Variants in PRDM5 observed in about 807,000 individuals in gnomAD.
The protein encoded by PRDM5 is PR domain zinc finger protein 5.
PRDM5 carries 56 observed loss-of-function variants against 81.2 expected under a neutral mutation model. The ratio of observed to expected loss-of-function variants is 0.69; its 90% CI spans 0.56 to 0.86. The LOEUF (loss-of-function observed/expected upper bound fraction) is 0.86. Ranked by LOEUF, PRDM5 falls within the 40% of genes least tolerant of loss-of-function variation. The pLI, the probability that PRDM5 is intolerant of heterozygous loss-of-function variation, is 0.00. For synonymous variants in PRDM5, 267 were observed against 256.4 expected, an observed-to-expected ratio of 1.04 and a Z score of -0.39; for missense variants, 697 against 770.1, an observed-to-expected ratio of 0.91 and a Z score of 1.12.
At chr4:120,716,248 T>A (rs997985522) in intron 14 of PRDM5, among the ~76,000 whole-genome samples, 1 of 152,210 alleles carries the variant, frequency 6.6e-6, no homozygotes, top group African/African-American at 2.4e-5. Flanking sequence ...CCTTATTTTC[T>A]CCTTCACAAT....
chr4:120,750,134 A>G (rs1459534500), intron 14 of PRDM5, among the ~76,000 whole-genome samples: 2 of 152,226 alleles, frequency 1.3e-5, no homozygotes, highest in African/African-American at 4.8e-5. Context: ...ATTTAATTAA[A>G]ATTTAAATTT....
intron 13 of PRDM5, among the ~76,000 whole-genome samples, chr4:120,768,824 C>T (rs1259581682): frequency 6.6e-6 from 1 of 152,124 alleles, no homozygotes; most frequent in Non-Finnish European, 1.5e-5. Flanking sequence ...TTCTTTATTC[C>T]CTCATTTAAG....
chr4:120,713,441 G>A (rs372694025), intron 14 of PRDM5, among the ~76,000 whole-genome samples: 7 of 152,174 alleles, frequency 4.6e-5, no homozygotes, highest in African/African-American at 1.4e-4. Context: ...ACAAATTTGT[G>A]ATTACTGATA....
intron 5 of PRDM5, chr4:120,818,119 A>G: frequency 2.1e-6 from 1 of 484,238 alleles, no homozygotes; most frequent in Non-Finnish European, 3.7e-6. Flanking sequence ...TACCATAAAC[A>G]GTGTTTATGT....
intron 14 of PRDM5, among the ~76,000 whole-genome samples, chr4:120,745,840 G>GA (rs1444991477): frequency 2.0e-5 from 3 of 147,364 alleles, no homozygotes; most frequent in African/African-American, 7.8e-5. Context: ...TCAATATCGT[G>GA]AAAATGGCCA....
At chr4:120,890,155 G>A (rs1296801460) in intron 2 of PRDM5, among the ~76,000 whole-genome samples, 1 of 152,180 alleles carries the variant, frequency 6.6e-6, no homozygotes, top group African/African-American at 2.4e-5. Context: ...AGAAAGCATG[G>A]TGCTGGCATC....
At chr4:120,903,689 T>A (rs985684261) in intron 2 of PRDM5, among the ~76,000 whole-genome samples, 3 of 152,164 alleles carry the variant, frequency 2.0e-5, no homozygotes, top group Admixed American at 2.0e-4. Context: ...CAGGGCCAGC[T>A]GGAGATAATT....
intron 14 of PRDM5, among the ~76,000 whole-genome samples, chr4:120,731,185 G>A (rs1379865847): frequency 1.3e-5 from 2 of 152,064 alleles, no homozygotes; most frequent in Middle Eastern, 3.4e-3. Flanking sequence ...CTGAAGTTCC[G>A]CCCACCATGA....
chr4:120,688,654 T>C (rs1288502980), downstream of PRDM5, among the ~76,000 whole-genome samples: 1 of 152,130 alleles, frequency 6.6e-6, no homozygotes, highest in Non-Finnish European at 1.5e-5. Flanking sequence ...TTTTTGTATA[T>C]GGTGTAAGGC....
chr4:120,785,761 C>T (rs1749689753), intron 10 of PRDM5, among the ~76,000 whole-genome samples: 1 of 152,004 alleles, frequency 6.6e-6, no homozygotes, highest in Non-Finnish European at 1.5e-5. Flanking sequence ...AAAACTAAGG[C>T]TCAAAAAGTT....
At chr4:120,899,172 T>C (rs1232611756) in intron 2 of PRDM5, among the ~76,000 whole-genome samples, 1 of 152,144 alleles carries the variant, frequency 6.6e-6, no homozygotes, top group Non-Finnish European at 1.5e-5. Context: ...GTCTGATACT[T>C]ACTTTGGTTA....
chr4:120,869,468 C>T (rs534708604), intron 2 of PRDM5, among the ~76,000 whole-genome samples: 2 of 152,156 alleles, frequency 1.3e-5, no homozygotes, highest in Non-Finnish European at 2.9e-5. Context: ...ATAAATTAGA[C>T]CTACAATTGG....
intron 3 of PRDM5, among the ~76,000 whole-genome samples, chr4:120,848,471 G>A (rs1213982069): frequency 6.6e-6 from 1 of 152,150 alleles, no homozygotes; most frequent in Non-Finnish European, 1.5e-5. Flanking sequence ...AAGTTACTTA[G>A]ATGCTCTTGA....
chr4:120,766,000 C>T (rs1027399702), intron 13 of PRDM5, among the ~76,000 whole-genome samples: 5 of 150,856 alleles, frequency 3.3e-5, no homozygotes, highest in Non-Finnish European at 7.4e-5. Context: ...CACTCTATCG[C>T]CCAGGCTGGA....
chr4:120,859,422 C>T (rs1162242171), intron 2 of PRDM5, among the ~76,000 whole-genome samples: 1 of 151,894 alleles, frequency 6.6e-6, no homozygotes, highest in Admixed American at 6.6e-5. Flanking sequence ...ACAGGGTTTC[C>T]CTATATTGCC....
intron 2 of PRDM5, among the ~76,000 whole-genome samples, chr4:120,899,927 T>A (rs1310857721): frequency 1.3e-5 from 2 of 152,154 alleles, no homozygotes; most frequent in Admixed American, 6.5e-5. Context: ...ACTTCACTTA[T>A]GTTTACAGGT....
chr4:120,898,169 C>T (rs958980513), intron 2 of PRDM5, among the ~76,000 whole-genome samples: 2 of 152,136 alleles, frequency 1.3e-5, no homozygotes, highest in African/African-American at 4.8e-5. Context: ...TGTGGCAAGG[C>T]TCAGTCTGTT....
At chr4:120,686,728 A>G (rs1733846357) in intron 1 of PRDM5, among the ~76,000 whole-genome samples, 1 of 152,088 alleles carries the variant, frequency 6.6e-6, no homozygotes, top group African/African-American at 2.4e-5. Context: ...ATAATTGACC[A>G]TTCCCTTCCC....
chr4:120,741,228 G>GCTT (rs1186797485), intron 14 of PRDM5, among the ~76,000 whole-genome samples: 2 of 152,054 alleles, frequency 1.3e-5, no homozygotes, highest in Non-Finnish European at 2.9e-5. Context: ...TCTATACGAT[G>GCTT]CTTCTGGAGC....
Sources: gnomAD v4.1 joint callset for allele counts (sites outside exome capture counted in the v4.1 genomes callset) on GRCh38, gnomAD v4.1.1 for gene constraint, MANE v1.5 for transcripts, NCBI Gene and HGNC (gene_info 2026-07-23, HGNC 2026-07-21) for gene names.